Variants in PDGFRL observed in about 807,000 individuals in gnomAD.
PDGFRL encodes the protein platelet derived growth factor receptor like.
In PDGFRL, 46 loss-of-function variants were observed where a neutral mutation model predicts 37.2. The ratio of observed to expected loss-of-function variants is 1.24; its 90% CI spans 0.98 to 1.58. The LOEUF is 1.58. PDGFRL is among the 40% of genes most tolerant of loss of function. PDGFRL has a pLI of 0.00. For synonymous variants in PDGFRL, 251 were observed against 184.3 expected (o/e 1.36, Z -2.93); for missense variants, 692 against 467.6 (o/e 1.48, Z -4.43).
At chr8:17,598,324 T>C (rs1804096232) in intron 2 of PDGFRL, among the ~76,000 whole-genome samples, 1 of 152,240 alleles carries the variant, frequency 6.6e-6, no homozygotes. Flanking sequence ...GTTTATTTAA[T>C]TGATTACTTC....
At chr8:17,591,172 G>A (rs539632403) in intron 2 of PDGFRL, among the ~76,000 whole-genome samples, 29 of 152,202 alleles carry the variant, frequency 1.9e-4, no homozygotes, top group Non-Finnish European at 3.4e-4. Context: ...GTGAGCCACC[G>A]CGCCTGGCTG....
chr8:17,603,385 C>G (rs1047546938), intron 2 of PDGFRL, among the ~76,000 whole-genome samples: 1 of 152,184 alleles, frequency 6.6e-6, no homozygotes, highest in African/African-American at 2.4e-5. Flanking sequence ...CTGGGTCTTT[C>G]AGGAGCAGTG....
intron 1 of PDGFRL, among the ~76,000 whole-genome samples, chr8:17,577,550 C>T (rs1803613188): frequency 6.6e-6 from 1 of 151,822 alleles, no homozygotes; most frequent in Admixed American, 6.6e-5. Context: ...AGGAGCCCAC[C>T]AGGACCTCTC....
intron 4 of PDGFRL, among the ~76,000 whole-genome samples, chr8:17,632,187 C>T (rs1804875872): frequency 6.6e-6 from 1 of 152,162 alleles, no homozygotes; most frequent in Admixed American, 6.5e-5. Flanking sequence ...CTACTTTTTT[C>T]ATTAAATCAC....
upstream of PDGFRL, chr8:17,577,192 C>T (rs1358765210): frequency 6.3e-7 from 1 of 1,576,766 alleles, no homozygotes; most frequent in Middle Eastern, 1.8e-4. Context: ...CGCCGCCTCC[C>T]CTGCGTCCCC....
intron 4 of PDGFRL, among the ~76,000 whole-genome samples, chr8:17,630,208 C>T (rs891956573): frequency 2.0e-5 from 3 of 152,206 alleles, no homozygotes; most frequent in Non-Finnish European, 4.4e-5. Flanking sequence ...TTGGAGTTCT[C>T]AAATTCCCGC....
chr8:17,628,383 A>T, intron 3 of PDGFRL, 104 bp from the exon 4 acceptor site: 1 of 777,152 alleles, frequency 1.3e-6, no homozygotes, highest in Non-Finnish European at 2.2e-6. Flanking sequence ...GGCCTTTCCT[A>T]CTCCTAAGGA....
intron 2 of PDGFRL, among the ~76,000 whole-genome samples, chr8:17,599,048 T>C (rs1215337801): frequency 6.6e-6 from 1 of 152,222 alleles, no homozygotes; most frequent in Admixed American, 6.5e-5. Context: ...AACCTATTGT[T>C]ACTTGACCTC....
intron 2 of PDGFRL, among the ~76,000 whole-genome samples, chr8:17,611,596 G>A (rs1348035827): frequency 6.6e-6 from 1 of 152,164 alleles, no homozygotes; most frequent in Non-Finnish European, 1.5e-5. Flanking sequence ...AAAATGAGCC[G>A]ATGTGTCTGG....
chr8:17,581,147 G>T (rs1455646707), intron 1 of PDGFRL, among the ~76,000 whole-genome samples: 1 of 152,120 alleles, frequency 6.6e-6, no homozygotes, highest in Non-Finnish European at 1.5e-5. Context: ...GTAAGACAGG[G>T]TGAGACATGG....
intron 3 of PDGFRL, among the ~76,000 whole-genome samples, chr8:17,624,368 C>T (rs186141069): frequency 7.9e-5 from 12 of 152,308 alleles, no homozygotes; most frequent in African/African-American, 2.2e-4. Flanking sequence ...TGTATTTCCT[C>T]TTTCATCTTG....
rs774318933 is a variant in PDGFRL, at chr8:17,642,677, C to T, written c.1004C>T (p.Thr335Met). Residue 335 changes from threonine (T) to methionine (M), a missense_variant, in exon 6 of 6, where the codon ACG (threonine) becomes ATG (methionine). By Grantham distance (81) the Thr-to-Met change is moderately conservative. Transcript: ENST00000251630. ...RLIHRGLGHT[T>M]RISQSVITVE... ...ATCCACAGAGGACTGGGACACACCA[C>T]GAGAATCTCCCAGAGTGTCATTACA... 6.2e-6 allele frequency: 10 copies of T among 1,603,418 alleles called. No individual in the cohort carries two copies. Among genetic ancestry groups the T allele is most frequent in the Middle Eastern group, 1.7e-4 (1 of 6,042 alleles).
In PDGFRL at chr8:17,621,092, A is replaced by T. The variant is rs773724661; in HGVS notation, c.395A>T (p.Asn132Ile). The T allele has an allele frequency of 1.2e-6, 2 of 1,611,292 alleles. No individual in the cohort carries two copies. Among genetic ancestry groups the T allele is most frequent in the South Asian group, 2.2e-5 (2 of 90,810 alleles). ...NERYGQLTLVNSTSADTGEFS... is the reference protein window; with the variant it reads ...NERYGQLTLVISTSADTGEFS... Reference sequence around the variant, plus strand: ...CGCTACGGCCAGTTGACTCTGGTCAACTCCACCTCGGCAGACACAGGTGAA... The same window carrying T: ...CGCTACGGCCAGTTGACTCTGGTCATCTCCACCTCGGCAGACACAGGTGAA... The change falls in exon 3 of 6, where the codon AAC becomes ATC. Residue 132 changes from asparagine to isoleucine, a missense_variant. By Grantham distance (149) the Asn-to-Ile change is moderately radical. Coordinates refer to ENST00000251630, the MANE Select transcript of PDGFRL (RefSeq NM_001372073.1).
chr8:17,595,488 C>G (rs1482219768), intron 2 of PDGFRL, among the ~76,000 whole-genome samples: 1 of 152,226 alleles, frequency 6.6e-6, no homozygotes, highest in African/African-American at 2.4e-5. Context: ...CTGGCCCCAA[C>G]TTTCTGTCTG....
intron 1 of PDGFRL, among the ~76,000 whole-genome samples, chr8:17,577,614 C>T (rs1803614622): frequency 6.6e-6 from 1 of 151,662 alleles, no homozygotes; most frequent in African/African-American, 2.4e-5. Context: ...CTGGTCCAGC[C>T]CCCAGTGTCA....
chr8:17,608,703 C>T (rs2427715), intron 2 of PDGFRL, among the ~76,000 whole-genome samples: 105,546 of 151,986 alleles, frequency 0.69, 37,928 homozygotes, highest in East Asian at 0.84. Flanking sequence ...ATAGTCCCAA[C>T]GACAAGCAGC....
At chr8:17,592,793 T>C (rs1803968023) in intron 2 of PDGFRL, among the ~76,000 whole-genome samples, 1 of 152,150 alleles carries the variant, frequency 6.6e-6, no homozygotes, top group African/African-American at 2.4e-5. Context: ...ACTACTATTA[T>C]TTTCTTTCAA....
chr8:17,607,147 T>C (rs577972118), intron 2 of PDGFRL, among the ~76,000 whole-genome samples: 3 of 152,088 alleles, frequency 2.0e-5, no homozygotes, highest in Non-Finnish European at 4.4e-5. Context: ...CCACCTGCCT[T>C]GGCCTGCGAG....
At chr8:17,628,859 G>A (rs1276639447) in intron 4 of PDGFRL, 79 bp downstream of exon 4, 3 of 915,628 alleles carry the variant, frequency 3.3e-6, no homozygotes, top group South Asian at 1.5e-5. Context: ...GCCTGCAGAT[G>A]GAATAAGGAA....
Sources: allele counts gnomAD v4.1 joint callset (sites outside exome capture counted in the v4.1 genomes callset), GRCh38; gene constraint gnomAD v4.1.1; transcripts MANE v1.5; gene names NCBI Gene and HGNC (gene_info 2026-07-23, HGNC 2026-07-21).